PDE1A: variants seen among roughly 807,000 people sequenced by gnomAD.
The protein encoded by PDE1A is dual specificity calcium/calmodulin-dependent 3',5'-cyclic nucleotide phosphodiesterase 1A.
PDE1A carries 35 observed loss-of-function variants against 61.7 expected under a neutral mutation model. That is an observed-to-expected ratio of 0.57 (90% CI 0.43 to 0.75). PDE1A has a LOEUF of 0.75. PDE1A is among the 30% of genes least tolerant of loss of function. The pLI is 0.00. For synonymous variants in PDE1A, 232 were observed against 213.2 expected (o/e 1.09, Z -0.77); for missense variants, 597 against 630.6 (o/e 0.95, Z 0.57).
chr2:182,454,867 T>TCATGACTAAAA (rs1288984719), intron 2 of PDE1A, among the ~76,000 whole-genome samples: 1 of 131,290 alleles, frequency 7.6e-6, no homozygotes. Flanking sequence ...GGCAAGGACT[T>TCATGACTAAAA]CACAAAAGCA....
chr2:182,522,247 G>A (rs760178150), intron 2 of PDE1A: 3 of 1,572,706 alleles, frequency 1.9e-6, no homozygotes, highest in East Asian at 2.2e-5. Context: ...ATCTTTTGGG[G>A]GGAAATAAAA....
intron 2 of PDE1A, among the ~76,000 whole-genome samples, chr2:182,260,025 G>T (rs923779479): frequency 2.6e-5 from 4 of 152,048 alleles, no homozygotes; most frequent in Admixed American, 2.0e-4. Context: ...TATTCATTAG[G>T]GTATTGTGCT....
chr2:182,594,836 T>C, the PDE1A span, among the ~76,000 whole-genome samples: 1 of 152,206 alleles, frequency 6.6e-6, no homozygotes, highest in Non-Finnish European at 1.5e-5. Context: ...GTCATAACAC[T>C]GGACCAGGTC....
At chr2:182,688,714 A>G in the PDE1A span, among the ~76,000 whole-genome samples, 20 of 152,354 alleles carry the variant, frequency 1.3e-4, no homozygotes, top group Admixed American at 4.6e-4. Flanking sequence ...AAATGCTCCA[A>G]TGAAAAGACA....
chr2:182,694,306 G>A, the PDE1A span, among the ~76,000 whole-genome samples: 2 of 152,138 alleles, frequency 1.3e-5, no homozygotes, highest in African/African-American at 4.8e-5. Flanking sequence ...TTGTTTCTGG[G>A]CTCTTAGTTC....
At chr2:182,470,268 T>C (rs1686944182) in intron 2 of PDE1A, among the ~76,000 whole-genome samples, 1 of 151,854 alleles carries the variant, frequency 6.6e-6, no homozygotes, top group Admixed American at 6.6e-5. Context: ...CAACATTTCA[T>C]AATAAAAGCT....
chr2:182,262,351 G>A (rs1316848402), intron 2 of PDE1A, among the ~76,000 whole-genome samples: 1 of 151,578 alleles, frequency 6.6e-6, no homozygotes, highest in Non-Finnish European at 1.5e-5. Flanking sequence ...CTGCAACCTC[G>A]GCCTCCCTGG....
intron 2 of PDE1A, among the ~76,000 whole-genome samples, chr2:182,510,404 A>T (rs1306585501): frequency 6.6e-6 from 1 of 152,222 alleles, no homozygotes; most frequent in African/African-American, 2.4e-5. Flanking sequence ...ACTTTCTTTC[A>T]TATCCAAAAG....
chr2:182,559,196 A>T, the PDE1A span, among the ~76,000 whole-genome samples: 1 of 152,154 alleles, frequency 6.6e-6, no homozygotes, highest in Non-Finnish European at 1.5e-5. Context: ...TAAGACAAAA[A>T]CCTAATGCAA....
chr2:182,263,353 A>AAT (rs1201547706), intron 2 of PDE1A, among the ~76,000 whole-genome samples: 1 of 151,948 alleles, frequency 6.6e-6, no homozygotes, highest in East Asian at 1.9e-4. Context: ...GAGTACTTTG[A>AAT]ATATATATAT....
chr2:182,425,475 T>C (rs1464766477), intron 1 of PDE1A, among the ~76,000 whole-genome samples: 1 of 152,184 alleles, frequency 6.6e-6, no homozygotes. Context: ...TCCATATATA[T>C]GAATTTAAAT....
At chr2:182,331,025 T>C (rs1697370875) in intron 1 of PDE1A, among the ~76,000 whole-genome samples, 1 of 152,280 alleles carries the variant, frequency 6.6e-6, no homozygotes, top group African/African-American at 2.4e-5. Context: ...GGTACCTTTT[T>C]ACCTGCTCAC....
At chr2:182,194,600 G>A (rs75483236) in intron 10 of PDE1A, among the ~76,000 whole-genome samples, 4,662 of 152,124 alleles carry the variant, frequency 0.031, 230 homozygotes, top group African/African-American at 0.11. Flanking sequence ...AGAAATCAGC[G>A]TTTCTCAAGA....
At chr2:182,272,710 A>T (rs1358165111) in intron 1 of PDE1A, among the ~76,000 whole-genome samples, 1 of 152,150 alleles carries the variant, frequency 6.6e-6, no homozygotes, top group Non-Finnish European at 1.5e-5. Flanking sequence ...CCTGTAAGGG[A>T]AAAAATGGAA....
At chr2:182,662,067 G>A in the PDE1A span, among the ~76,000 whole-genome samples, 1 of 151,892 alleles carries the variant, frequency 6.6e-6, no homozygotes, top group Non-Finnish European at 1.5e-5. Flanking sequence ...CAAAAAATAT[G>A]ATAGGGGAGA....
At chr2:182,572,957 G>A in the PDE1A span, among the ~76,000 whole-genome samples, 1 of 151,624 alleles carries the variant, frequency 6.6e-6, no homozygotes, top group African/African-American at 2.4e-5. Context: ...TCTAGAAAGT[G>A]ATAACTAAAA....
At chr2:182,280,108 G>A (rs1270420852) in intron 1 of PDE1A, among the ~76,000 whole-genome samples, 3 of 151,770 alleles carry the variant, frequency 2.0e-5, no homozygotes, top group African/African-American at 7.3e-5. Flanking sequence ...TAGCTGAATA[G>A]TGTATGAAGA....
intron 2 of PDE1A, among the ~76,000 whole-genome samples, chr2:182,479,870 A>C (rs1687599232): frequency 6.6e-6 from 1 of 151,238 alleles, no homozygotes; most frequent in African/African-American, 2.4e-5. Context: ...TTGATTCTTT[A>C]TGTACATAGG....
At chr2:182,694,460 A>G in the PDE1A span, among the ~76,000 whole-genome samples, 2 of 152,214 alleles carry the variant, frequency 1.3e-5, no homozygotes, top group Non-Finnish European at 2.9e-5. Flanking sequence ...CTCCATCTAC[A>G]GAAGCGGTAA....
Sources: gnomAD v4.1 joint callset for allele counts (sites outside exome capture counted in the v4.1 genomes callset) on GRCh38, gnomAD v4.1.1 for gene constraint, MANE v1.5 for transcripts, NCBI Gene and HGNC (gene_info 2026-07-23, HGNC 2026-07-21) for gene names.